Variants in CA10 observed in about 807,000 individuals in gnomAD.
The protein encoded by CA10 is carbonic anhydrase 10 (inactive).
CA10 carries 14 observed loss-of-function variants against 44.2 expected under a neutral mutation model. That is an observed-to-expected ratio of 0.32 (90% CI 0.21 to 0.50). The LOEUF (loss-of-function observed/expected upper bound fraction) is 0.50, where lower values mean the gene tolerates loss of function less well. Ranked by LOEUF, CA10 falls within the 20% of genes least tolerant of loss-of-function variation. The pLI is 0.99. For missense variants in CA10, 350 were observed against 409.7 expected, an observed-to-expected ratio of 0.85 and a Z score of 1.26; for synonymous variants, 159 against 141.6, an observed-to-expected ratio of 1.12 and a Z score of -0.87.
At chr17:51,969,799 G>A (rs777020220) in intron 2 of CA10, among the ~76,000 whole-genome samples, 11 of 151,712 alleles carry the variant, frequency 7.3e-5, no homozygotes, top group South Asian at 2.1e-4. Context: ...GAAATAAGCA[G>A]AAAAGTCCAC....
chr17:51,931,117 C>A lies in CA10; in HGVS notation c.152G>T (p.Gly51Val). The change falls in exon 3 of 9, where the codon GGA (glycine) becomes GTA (valine). Residue 51 changes from glycine to valine, a missense_variant. Gly to Val is a moderately radical substitution (Grantham distance 109, BLOSUM62 -3). Transcript: ENST00000451037. The stretch of plus-strand genomic sequence containing the variant: ...AAGATTCCAAGCTGAGTTCACCAAT[C>A]CCCAGAAAGAAGGAACTAGAAACAA... Reference protein sequence around the residue: ...GSFVPVPSFWGLVNSAWNLCS... With the variant: ...GSFVPVPSFWVLVNSAWNLCS... 1 of 1,613,390 alleles carries A rather than the reference C, an allele frequency of 6.2e-7. No individual in the cohort carries two copies. Among genetic ancestry groups the A allele is most frequent in the Non-Finnish European group, 8.5e-7 (1 of 1,179,588 alleles).
chr17:51,647,065 G>A lies in CA10; in HGVS notation c.634+2117C>T, dbSNP rs541876792. Among the ~76,000 whole-genome samples, 190 of 152,120 alleles carry A rather than the reference G, an allele frequency of 1.2e-3. 1 individual carries two copies. The highest frequency in any genetic ancestry group is 4.2e-3 in the African/African-American group (175 of 41,498). On this transcript the variant is annotated intron_variant, in intron 6 of 8. Coordinates refer to ENST00000451037, the MANE Select transcript of CA10 (RefSeq NM_020178.5). ...GTGTAGAGTATGGGGGTCAGAAGGA[G>A]AGGGTGCTCCTGCTGTCTTCTATTT... is the stretch of plus-strand genomic sequence containing the variant.
chr17:51,892,204 T>G (rs1285306719), intron 3 of CA10, among the ~76,000 whole-genome samples: 1 of 152,152 alleles, frequency 6.6e-6, no homozygotes, highest in Non-Finnish European at 1.5e-5. Context: ...CCTGTATGAG[T>G]AAGTGGTGGA....
Position 51,653,472 on chromosome 17 carries a change from G to C in CA10, c.561+169C>G, listed in dbSNP as rs144921381. 1.9e-4 allele frequency among the ~76,000 whole-genome samples: 28 copies of C among 150,604 alleles called. 1 individual carries two copies. In the East Asian group the frequency reaches 5.4e-3, roughly 29 times the overall value. On this transcript the variant is annotated intron_variant, in intron 5 of 8. Coordinates refer to ENST00000451037, the MANE Select transcript of CA10 (RefSeq NM_020178.5). ...ATTATCATTTTTGCATCTCACTGCA[G>C]GGGGCCTCATTTTTCATAAATCTCA...
intron 3 of CA10, among the ~76,000 whole-genome samples, chr17:51,786,891 T>C (rs1277171404): frequency 6.6e-6 from 1 of 152,166 alleles, no homozygotes; most frequent in Non-Finnish European, 1.5e-5. Flanking sequence ...TGAAGGAATG[T>C]TGAATTTTAT....
At chr17:51,775,294 G>A (rs1905777174) in intron 3 of CA10, among the ~76,000 whole-genome samples, 1 of 152,160 alleles carries the variant, frequency 6.6e-6, no homozygotes. Context: ...ATGGTTTAGG[G>A]TAAGTTTAAT....
chr17:52,034,280 G>C (rs1175860016), intron 2 of CA10, among the ~76,000 whole-genome samples: 5 of 152,120 alleles, frequency 3.3e-5, no homozygotes, highest in Admixed American at 2.6e-4. Context: ...TTGTGGTGAT[G>C]GTTTCATGAG....
At chr17:51,723,282 G>A (rs1916409940) in intron 4 of CA10, among the ~76,000 whole-genome samples, 1 of 152,182 alleles carries the variant, frequency 6.6e-6, no homozygotes, top group South Asian at 2.1e-4. Context: ...GGAGGATCAA[G>A]GTTACAGCTA....
At chr17:51,980,324 G>A (rs949112676) in intron 2 of CA10, among the ~76,000 whole-genome samples, 2 of 152,082 alleles carry the variant, frequency 1.3e-5, no homozygotes, top group Non-Finnish European at 2.9e-5. Flanking sequence ...CTGTATGTGT[G>A]TCTTCTTTTG....
chr17:51,888,387 T>G (rs1311927936), intron 3 of CA10, among the ~76,000 whole-genome samples: 1 of 152,222 alleles, frequency 6.6e-6, no homozygotes, highest in East Asian at 1.9e-4. Flanking sequence ...CATGCCATTG[T>G]AGATTTCTCC....
intron 4 of CA10, among the ~76,000 whole-genome samples, chr17:51,665,427 T>C (rs1914172331): frequency 6.6e-6 from 1 of 152,224 alleles, no homozygotes; most frequent in African/African-American, 2.4e-5. Flanking sequence ...CTGGAAAACA[T>C]GGAGATTTTA....
Position 51,747,725 on chromosome 17 carries a change from T to C in CA10, c.373A>G (p.Ser125Gly). ...AGTCGGATCTCCTCCAGCCGGTGGC[T>C]GTATGTCATGGGCCCTCCAGATATG... ...VNISGGPMTY[S>G]HRLEEIRLHF... is the part of the protein sequence containing the mutation. Residue 125 changes from serine (S) to glycine (G), a missense_variant, in exon 4 of 9, where the codon AGC becomes GGC. Transcript: ENST00000451037. 1 of 1,614,156 alleles carries C rather than the reference T, an allele frequency of 6.2e-7. No individual in the cohort carries two copies. The highest frequency in any genetic ancestry group is 1.1e-5 in the South Asian group (1 of 91,074).
chr17:51,679,152 T>C (rs1914736863), intron 4 of CA10, among the ~76,000 whole-genome samples: 1 of 152,216 alleles, frequency 6.6e-6, no homozygotes, highest in African/African-American at 2.4e-5. Context: ...GACTGTACTG[T>C]GCATATGAAT....
chr17:52,035,690 T>C (rs1390651235), intron 2 of CA10, among the ~76,000 whole-genome samples: 1 of 152,184 alleles, frequency 6.6e-6, no homozygotes, highest in Non-Finnish European at 1.5e-5. Context: ...GGGGCCCACA[T>C]GGAGTTCACT....
chr17:51,992,279 G>A (rs1985069135), intron 2 of CA10, among the ~76,000 whole-genome samples: 1 of 152,062 alleles, frequency 6.6e-6, no homozygotes, highest in Non-Finnish European at 1.5e-5. Context: ...TACTGTGACT[G>A]ACAAAGAGTT....
At chr17:52,122,509 C>A (rs1225699414) in intron 1 of CA10, among the ~76,000 whole-genome samples, 1 of 152,020 alleles carries the variant, frequency 6.6e-6, no homozygotes, top group African/African-American at 2.4e-5. Context: ...TTAGGAGTTT[C>A]CTGGTGGCAC....
chr17:51,765,737 A>G (rs982895086), intron 3 of CA10, among the ~76,000 whole-genome samples: 88 of 94,620 alleles, frequency 9.3e-4, no homozygotes, highest in African/African-American at 1.5e-3. Context: ...GTGTGTGTGC[A>G]TGCATGTGTT....
intron 2 of CA10, among the ~76,000 whole-genome samples, chr17:51,967,228 A>G (rs1951884805): frequency 6.6e-6 from 1 of 151,748 alleles, no homozygotes; most frequent in Admixed American, 6.6e-5. Context: ...GAACATTTAT[A>G]CACTGTTGAT....
intron 2 of CA10, among the ~76,000 whole-genome samples, chr17:51,940,491 C>G (rs1234167838): frequency 6.6e-6 from 1 of 152,036 alleles, no homozygotes; most frequent in African/African-American, 2.4e-5. Context: ...CTCCTCATGT[C>G]TTCAGGTAGT....
Sources: gnomAD v4.1 joint callset for allele counts (sites outside exome capture counted in the v4.1 genomes callset) on GRCh38, gnomAD v4.1.1 for gene constraint, MANE v1.5 for transcripts, NCBI Gene and HGNC (gene_info 2026-07-23, HGNC 2026-07-21) for gene names.